Variants in LDB2 observed in about 807,000 individuals in gnomAD.
LDB2 encodes the protein LIM domain binding 2.
LDB2 carries 12 observed loss-of-function variants against 44.3 expected under a neutral mutation model. The ratio of observed to expected loss-of-function variants is 0.27; its 90% confidence interval spans 0.17 to 0.44. The LOEUF is 0.44. LDB2 is among the 20% of genes least tolerant of loss of function. The pLI, the probability that LDB2 is intolerant of heterozygous loss-of-function variation, is 1.00. For missense variants in LDB2, 344 were observed against 473.5 expected (o/e 0.73, Z 2.54); for synonymous variants, 164 against 174.8 (o/e 0.94, Z 0.49).
chr4:16,524,112 C>T (rs1202565778), intron 5 of LDB2, among the ~76,000 whole-genome samples: 1 of 152,124 alleles, frequency 6.6e-6, no homozygotes, highest in Non-Finnish European at 1.5e-5. Context: ...ACAAATGGAC[C>T]AGATCTTGCT....
chr4:16,840,799 A>C (rs984245041), intron 1 of LDB2, among the ~76,000 whole-genome samples: 2 of 152,180 alleles, frequency 1.3e-5, no homozygotes, highest in Non-Finnish European at 2.9e-5. Flanking sequence ...TATAGCTCTC[A>C]ATATGATATA....
intron 2 of LDB2, among the ~76,000 whole-genome samples, chr4:16,628,820 C>G (rs182666325): frequency 6.6e-6 from 1 of 152,160 alleles, no homozygotes; most frequent in Non-Finnish European, 1.5e-5. Flanking sequence ...CCAGGAAGTG[C>G]AAGGGGTCAG....
chr4:16,799,510 G>A (rs1777364000), intron 1 of LDB2, among the ~76,000 whole-genome samples: 1 of 152,214 alleles, frequency 6.6e-6, no homozygotes, highest in Non-Finnish European at 1.5e-5. Context: ...TTCTCTCCAC[G>A]GGCTCTTGCC....
At chr4:16,888,724 C>T (rs978205187) in intron 1 of LDB2, 4 of 984,366 alleles carry the variant, frequency 4.1e-6, no homozygotes, top group Admixed American at 6.2e-5. Context: ...TCGTCATCGT[C>T]GTCATCATCA....
At chr4:16,762,273 T>C (rs1291260685) in intron 1 of LDB2, among the ~76,000 whole-genome samples, 1 of 152,142 alleles carries the variant, frequency 6.6e-6, no homozygotes, top group African/African-American at 2.4e-5. Flanking sequence ...TTAGCAACCC[T>C]TTTCCCTGGC....
chr4:16,543,080 A>G (rs113387291), intron 5 of LDB2, among the ~76,000 whole-genome samples: 10,886 of 151,978 alleles, frequency 0.072, 603 homozygotes, highest in East Asian at 0.16. Flanking sequence ...AGCTTCATCC[A>G]TGTCCCTACA....
chr4:16,843,218 A>G (rs908034356), intron 1 of LDB2, among the ~76,000 whole-genome samples: 7 of 152,240 alleles, frequency 4.6e-5, no homozygotes. Context: ...GTTTTTAAAC[A>G]GTAAGATTAT....
At chr4:16,526,695 T>G (rs1225642694) in intron 5 of LDB2, among the ~76,000 whole-genome samples, 6 of 151,950 alleles carry the variant, frequency 3.9e-5, no homozygotes, top group African/African-American at 1.5e-4. Flanking sequence ...TCTTTGAAAA[T>G]AAAAGGGTGC....
chr4:16,896,526 G>C (rs1580581755), intron 1 of LDB2, among the ~76,000 whole-genome samples: 2 of 152,254 alleles, frequency 1.3e-5, no homozygotes, highest in East Asian at 3.9e-4. Context: ...AAAGCTGCCT[G>C]TGTTCCTAAC....
At chr4:16,820,736 G>A (rs1579972768) in intron 1 of LDB2, among the ~76,000 whole-genome samples, 1 of 151,760 alleles carries the variant, frequency 6.6e-6, no homozygotes, top group South Asian at 2.1e-4. Flanking sequence ...AATCCCTTTT[G>A]TTCCAAATTT....
intron 1 of LDB2, among the ~76,000 whole-genome samples, chr4:16,769,171 T>C (rs950896246): frequency 6.6e-6 from 1 of 152,170 alleles, no homozygotes; most frequent in Non-Finnish European, 1.5e-5. Flanking sequence ...GACACACAAA[T>C]AAAAGTAATA....
rs185314603 is a variant in LDB2, at chr4:16,898,500, G to A, written c.-15C>T. 1.2e-6 allele frequency: 2 copies of A among 1,612,764 alleles called. No homozygotes were observed. Among genetic ancestry groups the A allele is most frequent in the African/African-American group, 1.3e-5 (1 of 74,852 alleles). On this transcript the variant is annotated 5_prime_UTR_variant, in exon 1 of 8. Coordinates refer to ENST00000304523, the MANE Select transcript of LDB2 (RefSeq NM_001290.5). ...GTGCTGGACATCTTGCCTGCTTTTC[G>A]AAAATCAAGCTAAACAGAGTATCAG...
At chr4:16,687,109 A>G (rs1749435370) in intron 2 of LDB2, among the ~76,000 whole-genome samples, 1 of 150,596 alleles carries the variant, frequency 6.6e-6, no homozygotes, top group East Asian at 1.9e-4. Flanking sequence ...TTCCTCTATA[A>G]ACTTGAAAAA....
chr4:16,604,159 T>C (rs769369291), intron 2 of LDB2, among the ~76,000 whole-genome samples: 2 of 152,182 alleles, frequency 1.3e-5, no homozygotes, highest in Non-Finnish European at 2.9e-5. Context: ...GGCCAACAAA[T>C]ATGTTGCACC....
chr4:16,856,649 C>T (rs1789417149), intron 1 of LDB2, among the ~76,000 whole-genome samples: 1 of 152,164 alleles, frequency 6.6e-6, no homozygotes, highest in Non-Finnish European at 1.5e-5. Context: ...TGTTCTGTAA[C>T]TCTGTAATTC....
chr4:16,866,695 G>C (rs1036504699), intron 1 of LDB2, among the ~76,000 whole-genome samples: 1 of 152,174 alleles, frequency 6.6e-6, no homozygotes, highest in Admixed American at 6.5e-5. Context: ...AAAAAAATCT[G>C]ACATATTCCA....
intron 1 of LDB2, among the ~76,000 whole-genome samples, chr4:16,885,167 A>C (rs941400656): frequency 6.6e-6 from 1 of 150,534 alleles, no homozygotes; most frequent in Non-Finnish European, 1.5e-5. Flanking sequence ...AAAAAAAAAA[A>C]AAAAAAAAAA....
At chr4:16,661,583 C>G (rs1314185016) in intron 2 of LDB2, among the ~76,000 whole-genome samples, 1 of 152,148 alleles carries the variant, frequency 6.6e-6, no homozygotes, top group Non-Finnish European at 1.5e-5. Context: ...TGTTTGGTAC[C>G]TACTAAGTGT....
intron 2 of LDB2, among the ~76,000 whole-genome samples, chr4:16,675,573 T>C (rs920500876): frequency 6.7e-6 from 1 of 149,588 alleles, no homozygotes; most frequent in Non-Finnish European, 1.5e-5. Flanking sequence ...CCAAAATGGG[T>C]ACAAAATGAA....
Sources: gnomAD v4.1 joint callset for allele counts (sites outside exome capture counted in the v4.1 genomes callset) on GRCh38, gnomAD v4.1.1 for gene constraint, MANE v1.5 for transcripts, NCBI Gene and HGNC (gene_info 2026-07-23, HGNC 2026-07-21) for gene names.